The following FBXO28 variants were observed in gnomAD, a reference collection of about 807,000 sequenced individuals.
FBXO28 encodes the protein F-box only protein 28.
In FBXO28, 8 loss-of-function variants were observed where a neutral mutation model predicts 38.1. The observed-to-expected ratio is 0.21, with a 90% confidence interval of 0.12 to 0.38. The LOEUF is 0.38. Among genes scored for constraint, FBXO28 ranks in the 10% least tolerant of loss-of-function variants. The pLI is 1.00. For synonymous variants in FBXO28, 168 were observed against 173.8 expected (o/e 0.97, Z 0.26); for missense variants, 345 against 460.6 (o/e 0.75, Z 2.30).
intron 4 of FBXO28, among the ~76,000 whole-genome samples, chr1:224,153,750 G>C (rs755469044): frequency 6.6e-6 from 1 of 151,774 alleles, no homozygotes; most frequent in Non-Finnish European, 1.5e-5. Context: ...GTGAAACCCC[G>C]TATCTACTAA....
chr1:224,117,491 C>G (rs929737861), intron 1 of FBXO28, among the ~76,000 whole-genome samples: 3 of 151,800 alleles, frequency 2.0e-5, no homozygotes, highest in South Asian at 2.1e-4. Flanking sequence ...AAAGATGTAT[C>G]CTGAGTCTGG....
Position 224,130,585 on chromosome 1 carries a change from T to C in FBXO28, c.377+4T>C. ...AAGTTAAAGCACAACTCCCAAGGTATGTTGTGGGTGGCAATGACAATGATG... is the reference window on the plus strand; with the variant it reads ...AAGTTAAAGCACAACTCCCAAGGTACGTTGTGGGTGGCAATGACAATGATG... On this transcript the variant is annotated splice_donor_region_variant and intron_variant, in intron 2 of 4. Coordinates refer to ENST00000366862, the MANE Select transcript of FBXO28 (RefSeq NM_015176.4). The C allele has an allele frequency of 2.5e-6, 4 of 1,572,956 alleles. No homozygotes were observed. Among genetic ancestry groups the C allele is most frequent in the Non-Finnish European group, 3.5e-6 (4 of 1,143,154 alleles).
intron 3 of FBXO28, among the ~76,000 whole-genome samples, chr1:224,141,610 T>A (rs971342407): frequency 2.6e-5 from 4 of 152,208 alleles, no homozygotes; most frequent in Non-Finnish European, 4.4e-5. Context: ...CTTACACACA[T>A]AGGCTATATG....
At chr1:224,146,191 AC>A (rs1337304528) in intron 3 of FBXO28, among the ~76,000 whole-genome samples, 2 of 151,910 alleles carry the variant, frequency 1.3e-5, no homozygotes, top group African/African-American at 4.8e-5. Flanking sequence ...CCGGGATCAC[AC>A]CATCACACTC....
At chr1:224,128,671 T>C (rs1009074560) in intron 1 of FBXO28, among the ~76,000 whole-genome samples, 2 of 152,136 alleles carry the variant, frequency 1.3e-5, no homozygotes, top group African/African-American at 4.8e-5. Context: ...TGACTTCTGA[T>C]CCTGTGCTTT....
chr1:224,139,912 T>C (rs1179502430), intron 3 of FBXO28, among the ~76,000 whole-genome samples: 2 of 151,794 alleles, frequency 1.3e-5, no homozygotes, highest in African/African-American at 4.8e-5. Flanking sequence ...GGCTGCAAAG[T>C]AAGACCCCCG....
chr1:224,151,765 G>A (rs1254978237), intron 3 of FBXO28, among the ~76,000 whole-genome samples: 4 of 152,056 alleles, frequency 2.6e-5, no homozygotes, highest in African/African-American at 9.7e-5. Flanking sequence ...ATTTTAGGTC[G>A]GGCATGGTGG....
intron 1 of FBXO28, among the ~76,000 whole-genome samples, chr1:224,123,029 G>A (rs1656813219): frequency 6.6e-6 from 1 of 151,926 alleles, no homozygotes; most frequent in Non-Finnish European, 1.5e-5. Context: ...TGAATAGCTG[G>A]ATGACCTTGG....
At chr1:224,133,914 T>G (rs1657115588) in intron 2 of FBXO28, among the ~76,000 whole-genome samples, 160 bp from the exon 3 acceptor site, 1 of 152,140 alleles carries the variant, frequency 6.6e-6, no homozygotes, top group Admixed American at 6.6e-5. Flanking sequence ...TTTCTAGGCA[T>G]AGTGATTCAT....
chr1:224,145,283 G>A, intron 3 of FBXO28, among the ~76,000 whole-genome samples: 1 of 69,818 alleles, frequency 1.4e-5, no homozygotes, highest in Non-Finnish European at 2.4e-5. Flanking sequence ...AACAGAGCAA[G>A]ACTACATCTC....
At chr1:224,135,401 A>G (rs893537104) in intron 3 of FBXO28, among the ~76,000 whole-genome samples, 5 of 152,112 alleles carry the variant, frequency 3.3e-5, no homozygotes, top group Admixed American at 3.3e-4. Flanking sequence ...TTGTTAAGTA[A>G]CAGAGTTGAA....
At chr1:224,116,722 A>G (rs1422365266) in intron 1 of FBXO28, among the ~76,000 whole-genome samples, 4 of 152,186 alleles carry the variant, frequency 2.6e-5, no homozygotes, top group Admixed American at 1.3e-4. Flanking sequence ...TACACAATCC[A>G]TGTACTTACT....
rs1341412615 is a variant in FBXO28, at chr1:224,157,347, C to T, written c.713-5C>T. The T allele has an allele frequency of 6.3e-7, 1 of 1,583,566 alleles. No individual in the cohort carries two copies. The highest frequency in any genetic ancestry group is 1.4e-5 in the African/African-American group (1 of 73,426). ...GACTGACCCTTTTGAATTATTCCTC[C>T]ACAGTTCCAGGACCGTCTGCAGCCC... On this transcript the variant is annotated splice_region_variant and splice_polypyrimidine_tract_variant and intron_variant, in intron 4 of 4. Coordinates refer to ENST00000366862, the MANE Select transcript of FBXO28 (RefSeq NM_015176.4).
In FBXO28 at chr1:224,157,618, G is replaced by A. The variant is rs1657801627; in HGVS notation, c.979G>A (p.Val327Ile). 1 of 1,614,248 alleles carries A rather than the reference G, an allele frequency of 6.2e-7. No individual in the cohort carries two copies. The highest frequency in any genetic ancestry group is 8.5e-7 in the Non-Finnish European group (1 of 1,180,044). Reference protein sequence around the residue: ...LAELERKLREVMESAVGNSSG... With the variant: ...LAELERKLREIMESAVGNSSG... ...AGAGCTAGAACGCAAACTACGAGAA[G>A]TAATGGAAAGTGCTGTAGGAAATTC... The change falls in exon 5 of 5, where the codon GTA (valine) becomes ATA (isoleucine). Residue 327 changes from valine (V) to isoleucine (I), a missense_variant. By Grantham distance (29) the Val-to-Ile change is conservative. Transcript: ENST00000366862.
chr1:224,154,635 C>T (rs868184553), intron 4 of FBXO28, among the ~76,000 whole-genome samples: 1 of 149,700 alleles, frequency 6.7e-6, no homozygotes, highest in East Asian at 2.0e-4. Flanking sequence ...GGTGAAACCC[C>T]GTCTCTACTA....
At chr1:224,137,563 C>T (rs940161222) in intron 3 of FBXO28, among the ~76,000 whole-genome samples, 1 of 151,636 alleles carries the variant, frequency 6.6e-6, no homozygotes, top group Non-Finnish European at 1.5e-5. Context: ...CAGAAATCCA[C>T]AAGAATGGTG....
chr1:224,138,981 G>C (rs929209094), intron 3 of FBXO28, among the ~76,000 whole-genome samples: 11 of 151,546 alleles, frequency 7.3e-5, no homozygotes, highest in Admixed American at 2.0e-4. Context: ...GACGGGGTTT[G>C]ACCGTGTTAG....
At chr1:224,143,812 GA>G (rs1657428902) in intron 3 of FBXO28, among the ~76,000 whole-genome samples, 1 of 143,400 alleles carries the variant, frequency 7.0e-6, no homozygotes, top group African/African-American at 2.6e-5. Context: ...CTCCAGCCTG[GA>G]CGACAGAGCA....
rs1657831442 is a variant in FBXO28, at chr1:224,158,866, A to T, written c.*1120A>T. Reference sequence around the variant, plus strand: ...AGCATTTTGATTATTTCATTTCTGGAGGATGACCTTGAGGGAAGCTTTTTA... The same window carrying T: ...AGCATTTTGATTATTTCATTTCTGGTGGATGACCTTGAGGGAAGCTTTTTA... On this transcript the variant is annotated 3_prime_UTR_variant, in exon 5 of 5. Transcript: ENST00000366862. 6.6e-6 allele frequency: 1 copy of T among 152,644 alleles called. No homozygotes were observed. The highest frequency in any genetic ancestry group is 2.4e-5 in the African/African-American group (1 of 41,458). The allele number at this position is 152,644 out of a possible 1,614,324, so 9.5% of individuals were successfully genotyped here.
Sources: gnomAD v4.1 joint callset for allele counts (sites outside exome capture counted in the v4.1 genomes callset) on GRCh38, gnomAD v4.1.1 for gene constraint, MANE v1.5 for transcripts, NCBI Gene and HGNC (gene_info 2026-07-23, HGNC 2026-07-21) for gene names.